Variants in RBMS3 observed in about 807,000 individuals in gnomAD.
RBMS3 encodes the protein RNA-binding motif, single-stranded-interacting protein 3.
Under a neutral mutation model 66.8 loss-of-function variants are expected in RBMS3, and 27 were observed. The ratio of observed to expected loss-of-function variants is 0.40; its 90% CI spans 0.30 to 0.56. RBMS3 has a LOEUF of 0.56. Ranked by LOEUF, RBMS3 falls within the 20% of genes least tolerant of loss-of-function variation. RBMS3 has a pLI of 0.40. For synonymous variants in RBMS3, 188 were observed against 183.0 expected, an observed-to-expected ratio of 1.03 and a Z score of -0.22; for missense variants, 513 against 549.5, an observed-to-expected ratio of 0.93 and a Z score of 0.66.
chr3:29,706,879 A>C (rs1317122567), intron 4 of RBMS3, among the ~76,000 whole-genome samples: 1 of 152,136 alleles, frequency 6.6e-6, no homozygotes, highest in African/African-American at 2.4e-5. Context: ...TCTTGCATCC[A>C]TTTTCTTGGA....
intron 2 of RBMS3, among the ~76,000 whole-genome samples, chr3:29,477,334 G>T (rs1472652061): frequency 6.6e-6 from 1 of 152,156 alleles, no homozygotes; most frequent in Non-Finnish European, 1.5e-5. Context: ...GGACATACTT[G>T]ACTCCCATAG....
chr3:29,685,081 C>G (rs1388038263), intron 4 of RBMS3, among the ~76,000 whole-genome samples: 4 of 151,284 alleles, frequency 2.6e-5, no homozygotes, highest in Non-Finnish European at 4.4e-5. Context: ...TGTTTTGAGA[C>G]GGAGTCTTGC....
intron 1 of RBMS3, among the ~76,000 whole-genome samples, chr3:29,430,559 AT>A (rs2041144216): frequency 1.3e-5 from 2 of 152,076 alleles, no homozygotes; most frequent in South Asian, 4.1e-4. Context: ...GGACACGTTT[AT>A]TGCTTTAGGC....
intron 12 of RBMS3, among the ~76,000 whole-genome samples, chr3:29,984,442 T>C (rs953951526): frequency 6.6e-6 from 1 of 151,872 alleles, no homozygotes; most frequent in Non-Finnish European, 1.5e-5. Context: ...CTCTGTCCAG[T>C]TTTGTTCTCT....
intron 4 of RBMS3, among the ~76,000 whole-genome samples, chr3:29,715,213 G>T (rs575653330): frequency 1.3e-5 from 2 of 152,216 alleles, no homozygotes; most frequent in African/African-American, 4.8e-5. Context: ...GTGAAATCCA[G>T]GGGCTACCTC....
chr3:29,408,735 C>T (rs562475289), intron 1 of RBMS3, among the ~76,000 whole-genome samples: 5 of 152,150 alleles, frequency 3.3e-5, no homozygotes, highest in Admixed American at 3.3e-4. Context: ...TGTGTAATCG[C>T]TGTACCAACT....
intron 2 of RBMS3, among the ~76,000 whole-genome samples, chr3:29,449,372 G>A (rs999950111): frequency 2.6e-5 from 4 of 152,124 alleles, no homozygotes; most frequent in Non-Finnish European, 5.9e-5. Flanking sequence ...GACAAGTCAC[G>A]ATAAAATATC....
intron 1 of RBMS3, among the ~76,000 whole-genome samples, chr3:29,332,307 A>C (rs371348640): frequency 2.8e-4 from 42 of 152,320 alleles, no homozygotes; most frequent in African/African-American, 9.9e-4. Flanking sequence ...AGAAACAGTC[A>C]TGAACATTCT....
intron 4 of RBMS3, among the ~76,000 whole-genome samples, chr3:29,648,405 T>C (rs1311074403): frequency 6.6e-6 from 1 of 151,336 alleles, no homozygotes; most frequent in Non-Finnish European, 1.5e-5. Flanking sequence ...CCGGAGTAGC[T>C]GGGACTACAG....
intron 3 of RBMS3, among the ~76,000 whole-genome samples, chr3:29,529,305 T>C (rs111349007): frequency 3.6e-4 from 55 of 152,252 alleles, no homozygotes; most frequent in African/African-American, 1.3e-3. Flanking sequence ...TCTTCCAAAT[T>C]GTGTCTATAA....
At chr3:29,630,079 C>A (rs2049229553) in intron 4 of RBMS3, among the ~76,000 whole-genome samples, 1 of 151,958 alleles carries the variant, frequency 6.6e-6, no homozygotes, top group Admixed American at 6.6e-5. Context: ...CACACTCTAC[C>A]TTTGCAGTTT....
rs188632771 is a variant in RBMS3, at chr3:29,609,670, G to A, written c.399+22465G>A. 2.6e-5 allele frequency among the ~76,000 whole-genome samples: 4 copies of A among 152,152 alleles called. No individual in the cohort carries two copies. In the South Asian group the frequency reaches 8.3e-4, roughly 32 times the overall value. The stretch of plus-strand genomic sequence containing the variant: ...TTGTTGCCTCTGTGCCTGGCAAAAG[G>A]CCTGATACATGGTAGATGCTGAGTA... On this transcript the variant is annotated intron_variant, in intron 4 of 14. Transcript: ENST00000383767.
chr3:29,599,154 AT>A (rs373952565), intron 4 of RBMS3, among the ~76,000 whole-genome samples: 3,121 of 143,956 alleles, frequency 0.022, 30 homozygotes, highest in Middle Eastern at 0.037. Context: ...GAGAGTGGAG[AT>A]TTTTTTTTTT....
intron 7 of RBMS3, among the ~76,000 whole-genome samples, chr3:29,869,482 C>T (rs1311642099): frequency 3.9e-4 from 60 of 152,030 alleles, no homozygotes; most frequent in Admixed American, 3.9e-3. Context: ...CACACACACA[C>T]ACACATATAT....
intron 8 of RBMS3, among the ~76,000 whole-genome samples, chr3:29,884,587 G>C (rs2059825044): frequency 6.6e-6 from 1 of 150,526 alleles, no homozygotes; most frequent in Non-Finnish European, 1.5e-5. Context: ...GTGTGCCCAA[G>C]TCAATTTATT....
intron 3 of RBMS3, among the ~76,000 whole-genome samples, chr3:29,578,418 T>C (rs2047197616): frequency 1.3e-5 from 2 of 152,204 alleles, no homozygotes; most frequent in Admixed American, 1.3e-4. Context: ...ATTTGATATG[T>C]CAAGTGGGAT....
At chr3:29,651,196 T>G (rs1360433320) in intron 4 of RBMS3, among the ~76,000 whole-genome samples, 1 of 152,222 alleles carries the variant, frequency 6.6e-6, no homozygotes, top group African/African-American at 2.4e-5. Context: ...GGAATCAGAA[T>G]AGAGGTCTTG....
At chr3:29,781,117 C>A (rs2056617409) in intron 6 of RBMS3, among the ~76,000 whole-genome samples, 1 of 138,748 alleles carries the variant, frequency 7.2e-6, no homozygotes, top group Admixed American at 7.2e-5. Flanking sequence ...CCTCCCCCCT[C>A]CCCCGAGAAT....
chr3:29,999,598 G>A (rs1699479057), intron 14 of RBMS3, among the ~76,000 whole-genome samples: 1 of 152,150 alleles, frequency 6.6e-6, no homozygotes, highest in Non-Finnish European at 1.5e-5. Flanking sequence ...ATGAGTTCAT[G>A]TCCTTTGTAG....
Sources: gnomAD v4.1 joint callset for allele counts (sites outside exome capture counted in the v4.1 genomes callset) on GRCh38, gnomAD v4.1.1 for gene constraint, MANE v1.5 for transcripts, NCBI Gene and HGNC (gene_info 2026-07-23, HGNC 2026-07-21) for gene names.